The following EHMT1 variants were observed in gnomAD, a reference collection of about 807,000 sequenced individuals.
EHMT1 encodes the protein euchromatic histone lysine methyltransferase 1, also known as histone-lysine N-methyltransferase EHMT1.
In EHMT1, 15 loss-of-function variants were observed where a neutral mutation model predicts 147.2. The ratio of observed to expected loss-of-function variants is 0.10; its 90% CI spans 0.07 to 0.16. The LOEUF is 0.16. EHMT1 is among the 10% of genes least tolerant of loss of function. EHMT1 has a pLI of 1.00. For synonymous variants in EHMT1, 795 were observed against 709.6 expected (o/e 1.12, Z -1.91); for missense variants, 1,587 against 1,772.4 (o/e 0.90, Z 1.88).
chr9:137,794,466 A>G (rs1952751056), intron 16 of EHMT1, among the ~76,000 whole-genome samples: 1 of 151,892 alleles, frequency 6.6e-6, no homozygotes, highest in African/African-American at 2.4e-5. Context: ...TGGACAGCAT[A>G]GTGAGACCCC....
In EHMT1 at chr9:137,691,442, T is replaced by G. The variant is rs572755625; in HGVS notation, c.22-19525T>G. 9.9e-5 allele frequency among the ~76,000 whole-genome samples: 15 copies of G among 151,744 alleles called. No homozygotes were observed. In the South Asian group the frequency reaches 3.1e-3, roughly 32 times the overall value. ...ATCTGCCCGCCTCAGCCTCCCAAAG[T>G]GCTGAGATTACAGGCTTGAGCCACC... On this transcript the variant is annotated intron_variant, in intron 1 of 26. Coordinates refer to ENST00000460843, the MANE Select transcript of EHMT1 (RefSeq NM_024757.5).
At chr9:137,621,019 G>A (rs907563224) in intron 1 of EHMT1, among the ~76,000 whole-genome samples, 4 of 152,186 alleles carry the variant, frequency 2.6e-5, no homozygotes, top group African/African-American at 9.7e-5. Context: ...GAAGACAGGC[G>A]CAGTGAGGCC....
At chr9:137,620,945 C>T (rs1162892653) in intron 1 of EHMT1, among the ~76,000 whole-genome samples, 2 of 152,136 alleles carry the variant, frequency 1.3e-5, no homozygotes, top group South Asian at 2.1e-4. Flanking sequence ...TGCATGAATT[C>T]AATAATTTGA....
chr9:137,755,333 C>G (rs1437849558), intron 8 of EHMT1, among the ~76,000 whole-genome samples: 1 of 152,120 alleles, frequency 6.6e-6, no homozygotes, highest in Admixed American at 6.6e-5. Flanking sequence ...ATAGATGGAA[C>G]TGTGTGGTTG....
intron 1 of EHMT1, among the ~76,000 whole-genome samples, chr9:137,679,339 G>T (rs1482565672): frequency 6.6e-6 from 1 of 152,070 alleles, no homozygotes; most frequent in African/African-American, 2.4e-5. Flanking sequence ...GCAAAACCAC[G>T]GATCAGGGGA....
chr9:137,784,068 C>A, intron 15 of EHMT1: 1 of 1,003,798 alleles, frequency 1.0e-6, no homozygotes, highest in Non-Finnish European at 1.5e-6. Flanking sequence ...TACTTGAGAC[C>A]GGGTCATTTA....
chr9:137,697,744 A>G (rs1943509060), intron 1 of EHMT1, among the ~76,000 whole-genome samples: 1 of 152,232 alleles, frequency 6.6e-6, no homozygotes, highest in Admixed American at 6.5e-5. Context: ...TAATTTGTTT[A>G]GTCTAAGAAA....
At chr9:137,710,907 C>CAG in intron 1 of EHMT1, 60 bp from the exon 2 acceptor site, 1 of 1,533,912 alleles carries the variant, frequency 6.5e-7, no homozygotes. Flanking sequence ...CAAATGATGT[C>CAG]CATTTGGAAA....
rs756328916 is a variant in EHMT1, at chr9:137,813,017, C to A, written c.2879C>A (p.Ser960Tyr). The change falls in exon 20 of 27, where the codon TCT becomes TAT. Residue 960 changes from serine (S) to tyrosine (Y), a missense_variant. By Grantham distance (144) the Ser-to-Tyr change is moderately radical (BLOSUM62 -2). Around this residue, in one of 7 missense-constraint regions of EHMT1, gnomAD observed 201 missense variants for 350.1 expected, o/e 0.57. Transcript: ENST00000460843. This position sits in a 1 kb window ranked among gnomAD's most constrained non-coding sequence, Gnocchi z 4.9. ...ATTTTCCCTTTTAGCCTCTTTCTTTCTCGGGATTCAGATGTCACCTTAAAG... is the reference window on the plus strand; with the variant it reads ...ATTTTCCCTTTTAGCCTCTTTCTTTATCGGGATTCAGATGTCACCTTAAAG... ...NRYDCVVLFLSRDSDVTLKNK... is the reference protein window; with the variant it reads ...NRYDCVVLFLYRDSDVTLKNK... The A allele has an allele frequency of 6.2e-7, 1 of 1,614,082 alleles. No individual in the cohort carries two copies. Among genetic ancestry groups the A allele is most frequent in the East Asian group, 2.2e-5 (1 of 44,884 alleles).
Position 137,716,727 on chromosome 9 carries a change from G to A in EHMT1, c.187G>A (p.Ala63Thr). Reference protein sequence around the residue: ...ETNGSCENSDASSHANAAKHT... With the variant: ...ETNGSCENSDTSSHANAAKHT... ...CAATGGGTCTTGTGAAAACAGCGAT[G>A]CCAGCAGTCATGCAAATGCTGCAAA... The change falls in exon 3 of 27, where the codon GCC becomes ACC. Residue 63 changes from alanine (A) to threonine (T), a missense_variant. Coordinates refer to ENST00000460843, the MANE Select transcript of EHMT1 (RefSeq NM_024757.5). 1 of 1,612,364 alleles carries A rather than the reference G, an allele frequency of 6.2e-7. No individual in the cohort carries two copies. The highest frequency in any genetic ancestry group is 8.5e-7 in the Non-Finnish European group (1 of 1,179,290).
chr9:137,779,628 C>T lies in EHMT1; in HGVS notation c.2193-7C>T, dbSNP rs1330848867. 6.2e-7 allele frequency: 1 copy of T among 1,613,832 alleles called. No individual in the cohort carries two copies. The highest frequency in any genetic ancestry group is 1.7e-5 in the Admixed American group (1 of 60,024). ...CCATGCTGACTGTTGTCTTGTGCTT[C>T]CCACAGACCCAAGAAGCTTCGCTTC... On this transcript the variant is annotated splice_polypyrimidine_tract_variant and splice_region_variant and intron_variant, in intron 13 of 26. Coordinates refer to ENST00000460843, the MANE Select transcript of EHMT1 (RefSeq NM_024757.5).
chr9:137,651,266 C>G (rs1937780429), intron 1 of EHMT1, among the ~76,000 whole-genome samples: 1 of 152,168 alleles, frequency 6.6e-6, no homozygotes, highest in Non-Finnish European at 1.5e-5. Flanking sequence ...TTGATAAAGT[C>G]TAATTTATCC....
chr9:137,789,533 A>T (rs1952335922), intron 15 of EHMT1, among the ~76,000 whole-genome samples: 1 of 152,022 alleles, frequency 6.6e-6, no homozygotes, highest in African/African-American at 2.4e-5. Context: ...CTTTACCTTC[A>T]GGTTTGGCAG....
intron 14 of EHMT1, among the ~76,000 whole-genome samples, chr9:137,781,519 T>C (rs944657345): frequency 3.9e-5 from 6 of 152,214 alleles, no homozygotes; most frequent in African/African-American, 1.4e-4. Context: ...GTTTCACCTG[T>C]GCTGATCGCA....
Position 137,791,432 on chromosome 9 carries a change from CA to C in EHMT1, c.2505+469del, listed in dbSNP as rs540567157. Among the ~76,000 whole-genome samples, 11 of 151,994 alleles carry C rather than the reference CA, an allele frequency of 7.2e-5. No individual in the cohort carries two copies. In the East Asian group the frequency reaches 2.1e-3, roughly 29 times the overall value. ...AGCAAAACAGGATAAAAAATTAACA[CA>C]AAAAAATCAGTTGCATTTCTATATA... On this transcript the variant is annotated intron_variant, in intron 16 of 26. Transcript: ENST00000460843.
In EHMT1 at chr9:137,835,011, G is replaced by A; in HGVS notation, c.*58G>A. ...AGGGACCGCCGCGTCGCCGATTAGA[G>A]GACGAGGAGGAGAGATTCCGCACGC... On this transcript the variant is annotated 3_prime_UTR_variant, in exon 27 of 27. Transcript: ENST00000460843. 7.4e-7 allele frequency: 1 copy of A among 1,357,632 alleles called. No individual in the cohort carries two copies. The highest frequency in any genetic ancestry group is 1.7e-5 in the South Asian group (1 of 58,608). 84.1% of individuals were successfully genotyped at this position (1,357,632 alleles called of 1,614,324 possible).
chr9:137,780,625 G>A (rs1951361342), intron 14 of EHMT1, among the ~76,000 whole-genome samples: 2 of 120,740 alleles, frequency 1.7e-5, no homozygotes, highest in Admixed American at 8.1e-5. Context: ...TGGTGATGAC[G>A]CTGAGATGTG....
At chr9:137,788,290 C>G (rs188873302) in intron 15 of EHMT1, 3 of 415,516 alleles carry the variant, frequency 7.2e-6, no homozygotes, top group African/African-American at 6.1e-5. Context: ...GGCAGATGAC[C>G]GAGCGGCTGG....
At chr9:137,740,834 GCT>G (rs1485576539) in intron 4 of EHMT1, among the ~76,000 whole-genome samples, 1 of 152,086 alleles carries the variant, frequency 6.6e-6, no homozygotes, top group East Asian at 1.9e-4. Context: ...ATGGAGTCTA[GCT>G]CTGTTTCCCA....
Sources: allele counts gnomAD v4.1 joint callset (sites outside exome capture counted in the v4.1 genomes callset), GRCh38; gene constraint gnomAD v4.1.1; regional missense constraint gnomAD v4.1.1; non-coding constraint Gnocchi (gnomAD v3.1); transcripts MANE v1.5; gene names NCBI Gene and HGNC (gene_info 2026-07-23, HGNC 2026-07-21).